The following C3 variants were observed in gnomAD, a reference collection of about 807,000 sequenced individuals.
C3 encodes C3 and PZP-like alpha-2-macroglobulin domain-containing protein 1.
Under a neutral mutation model 207.9 loss-of-function variants are expected in C3, and 97 were observed. The observed-to-expected ratio is 0.47, with a 90% CI of 0.40 to 0.55. The LOEUF is 0.55. Among genes scored for constraint, C3 ranks in the 20% least tolerant of loss-of-function variants. C3 has a pLI of 0.00. For missense variants in C3, 1,684 were observed against 2,171.7 expected (o/e 0.78, Z 4.46); for synonymous variants, 848 against 857.6 (o/e 0.99, Z 0.20).
chr19:6,710,369 T>G (rs1224484611), intron 13 of C3, among the ~76,000 whole-genome samples: 1,595 of 63,394 alleles, frequency 0.025, no homozygotes, highest in Middle Eastern at 0.065. Flanking sequence ...AGGAGAGAGA[T>G]GGAGAGAAAG....
At chr19:6,683,613 G>A (rs1917923506) in intron 33 of C3, among the ~76,000 whole-genome samples, 1 of 151,888 alleles carries the variant, frequency 6.6e-6, no homozygotes, top group Non-Finnish European at 1.5e-5. Context: ...ACCATGCCCG[G>A]CTAATTTTTT....
chr19:6,696,504 C>G (rs1422883755), intron 22 of C3, 39 bp from the exon 23 acceptor site: 1 of 1,596,168 alleles, frequency 6.3e-7, no homozygotes, highest in Non-Finnish European at 8.6e-7. Context: ...CTCTAGCTCC[C>G]TCCCGCCCTA....
intron 33 of C3, 25 bp downstream of exon 33, chr19:6,684,363 G>A: frequency 6.2e-7 from 1 of 1,601,470 alleles, no homozygotes; most frequent in Non-Finnish European, 8.6e-7. Context: ...TGGCCAAGAT[G>A]AACCCCGGTG....
Position 6,714,171 on chromosome 19 carries a change from T to C in C3, c.677A>G (p.Glu226Gly). The C allele has an allele frequency of 6.2e-7, 1 of 1,613,566 alleles. No homozygotes were observed. Among genetic ancestry groups the C allele is most frequent in the Non-Finnish European group, 8.5e-7 (1 of 1,179,850 alleles). Residue 226 changes from glutamate to glycine, a missense_variant, in exon 6 of 41, where the codon GAG becomes GGG. Physicochemically the swap from Glu to Gly is moderately conservative, Grantham distance 98. This residue lies in a region of C3 where 1,280 missense variants were observed against 1,739.1 expected (regional missense o/e 0.74). Coordinates refer to ENST00000245907, the MANE Select transcript of C3 (RefSeq NM_000064.4). ...CCAGCCCCTCCTCCTCTTACCGTAC[T>C]CCTTCACCTCAAACTCAGTGGAGAA... ...QVFSTEFEVK[E>G]YVLPSFEVIV...
intron 4 of C3, chr19:6,716,729 G>C (rs1349458033): frequency 3.3e-5 from 5 of 152,236 alleles, no homozygotes; most frequent in African/African-American, 1.2e-4. Flanking sequence ...AGGTTCAATA[G>C]AGGGCGAGGC....
At chr19:6,688,821 G>A (rs1918079883) in intron 27 of C3, among the ~76,000 whole-genome samples, 1 of 151,954 alleles carries the variant, frequency 6.6e-6, no homozygotes, top group Non-Finnish European at 1.5e-5. Context: ...CATTCACGTG[G>A]CCACAGTGGA....
chr19:6,710,803 G>A lies in C3; in HGVS notation c.1522C>T (p.Arg508Ter). ...GRLLKAGRQV[R>*]EPGQDLVVLP... ...ACCACCAGGTCCTGGCCGGGCTCTC[G>A]CACCTGGCGTCCCGCCTTCAACAGC... Residue 508 changes from arginine to a stop codon, truncating the protein, a stop_gained, in exon 13 of 41, where the codon CGA becomes TGA. Coordinates refer to ENST00000245907, the MANE Select transcript of C3 (RefSeq NM_000064.4). LOFTEE classifies it high-confidence loss of function. The A allele has an allele frequency of 6.2e-7, 1 of 1,613,950 alleles. No homozygotes were observed. The highest frequency in any genetic ancestry group is 8.5e-7 in the Non-Finnish European group (1 of 1,180,018).
At chr19:6,710,494 GGAGA>G (rs1967894320) in intron 13 of C3, 141 bp downstream of exon 13, 1 of 653,264 alleles carries the variant, frequency 1.5e-6, no homozygotes, top group African/African-American at 1.8e-5. Context: ...CAGAGAGGGA[GGAGA>G]GAAAGGGAGA....
chr19:6,700,390 G>T (rs1240495189), intron 19 of C3, among the ~76,000 whole-genome samples: 1 of 51,000 alleles, frequency 2.0e-5, no homozygotes, highest in South Asian at 6.0e-4. Flanking sequence ...TGTAATATAT[G>T]ATATATATGT....
chr19:6,708,526 TC>T (rs369413683), intron 14 of C3, among the ~76,000 whole-genome samples: 39 of 149,480 alleles, frequency 2.6e-4, no homozygotes, highest in African/African-American at 8.6e-4. Context: ...CCTCCTTTCC[TC>T]CTTCCTTTGC....
In C3 at chr19:6,714,218, A is replaced by G. The variant is rs775684509; in HGVS notation, c.630T>C (p.Tyr210=). The G allele has an allele frequency of 7.4e-6, 12 of 1,613,812 alleles. No individual in the cohort carries two copies. The South Asian group carries it at 1.2e-4, about 16-fold the overall frequency. ...AGAAGACCTGCTGTGGTGAGTTTTC[A>G]TAGTAGGCTCGGATCTTCCACTGGC... is the stretch of plus-strand genomic sequence containing the variant. ...NMGQWKIRAY[Y]ENSPQQVFST... is the part of the protein sequence containing the mutation. The change falls in exon 6 of 41, where the codon TAT becomes TAC. Residue 210 remains tyrosine (Y), a synonymous_variant. Transcript: ENST00000245907.
chr19:6,680,978 C>A lies in C3; in HGVS notation c.4351-715G>T, dbSNP rs888375838. Among the ~76,000 whole-genome samples the A allele has an allele frequency of 3.9e-5, 6 of 151,978 alleles. No homozygotes were observed. In the East Asian group the frequency reaches 1.2e-3, roughly 29 times the overall value. On this transcript the variant is annotated intron_variant, in intron 35 of 40. Transcript: ENST00000245907. ...CTTTGGGAGGCTGAGGCAGGAAGAT[C>A]GCTTGAGGCCAGTAGTTTGAGACCA...
intron 1 of C3, 143 bp downstream of exon 1, chr19:6,720,371 AAT>A: frequency 3.0e-6 from 2 of 671,472 alleles, no homozygotes; most frequent in Non-Finnish European, 5.5e-6. Context: ...AGGCAGCCCA[AAT>A]ATATATAATC....
At chr19:6,707,437 G>C in intron 16 of C3, 29 bp downstream of exon 16, 8 of 1,612,474 alleles carry the variant, frequency 5.0e-6, no homozygotes, top group Non-Finnish European at 6.8e-6. Context: ...TGGGGCTCGG[G>C]GGCAGGAGTG....
At chr19:6,702,383 A>C (rs779740381) in intron 18 of C3, 88 bp downstream of exon 18, 5 of 1,068,222 alleles carry the variant, frequency 4.7e-6, no homozygotes, top group Non-Finnish European at 7.3e-6. Context: ...TTGCACTGTG[A>C]TTCCAGAGAA....
intron 11 of C3, among the ~76,000 whole-genome samples, chr19:6,711,671 G>A (rs935730751): frequency 6.6e-6 from 1 of 152,186 alleles, no homozygotes; most frequent in African/African-American, 2.4e-5. Context: ...GCACAGGGAG[G>A]GGTAAGTGGG....
At chr19:6,714,969 A>G (rs1009387646) in intron 4 of C3, among the ~76,000 whole-genome samples, 3 of 152,228 alleles carry the variant, frequency 2.0e-5, no homozygotes, top group African/African-American at 7.2e-5. Flanking sequence ...TCTGTGCTCA[A>G]TGTGCAAATC....
chr19:6,700,645 A>G lies in C3; in HGVS notation c.2440+1482T>C, dbSNP rs1377398747. ...ATAATATATGATATATTATATATGT[A>G]ATATATAATATATGATATATTATAT... On this transcript the variant is annotated intron_variant, in intron 19 of 40. Transcript: ENST00000245907. Among the ~76,000 whole-genome samples, 21 of 18,724 alleles carry G rather than the reference A, an allele frequency of 1.1e-3. 8 individuals carry two copies. The highest frequency in any genetic ancestry group is 1.6e-3 in the Non-Finnish European group (17 of 10,646). The allele number at this position is 18,724 out of a possible 152,430, so 12.3% of individuals were successfully genotyped here. A position where few individuals can be genotyped will look rare whatever the true frequency, so the allele number is the denominator to read the frequency against.
chr19:6,717,509 G>A (rs984381320), intron 4 of C3: 3 of 230,252 alleles, frequency 1.3e-5, no homozygotes, highest in Non-Finnish European at 1.7e-5. Flanking sequence ...ACTGTGTTGT[G>A]TGGTCGTGTA....
Sources: allele counts gnomAD v4.1 joint callset (sites outside exome capture counted in the v4.1 genomes callset), GRCh38; gene constraint gnomAD v4.1.1; regional missense constraint gnomAD v4.1.1; transcripts MANE v1.5; gene names NCBI Gene and HGNC (gene_info 2026-07-23, HGNC 2026-07-21).